TRAPPC9: variants seen among roughly 807,000 people sequenced by gnomAD.
The protein encoded by TRAPPC9 is IKK2 binding protein.
A neutral mutation model predicts 124.0 loss-of-function variants in TRAPPC9; 83 were observed. That is an observed-to-expected ratio of 0.67 (90% CI 0.56 to 0.80). The LOEUF is 0.80. Ranked by LOEUF, TRAPPC9 falls within the 30% of genes least tolerant of loss-of-function variation. The probability of loss-of-function intolerance (pLI) is 0.00; values close to 1 mark genes in which losing one functional copy is unlikely to be tolerated. For synonymous variants in TRAPPC9, 638 were observed against 617.5 expected (o/e 1.03, Z -0.49); for missense variants, 1,302 against 1,508.3 (o/e 0.86, Z 2.27).
At chr8:139,808,946 T>A (rs1174325850) in intron 21 of TRAPPC9, among the ~76,000 whole-genome samples, 4 of 152,114 alleles carry the variant, frequency 2.6e-5, no homozygotes, top group Non-Finnish European at 4.4e-5. Flanking sequence ...CACGTACAAG[T>A]TTTGTGTGGA....
chr8:140,316,198 C>T (rs2066439051), intron 9 of TRAPPC9, among the ~76,000 whole-genome samples: 1 of 152,086 alleles, frequency 6.6e-6, no homozygotes, highest in Non-Finnish European at 1.5e-5. Flanking sequence ...TCAGGAATAT[C>T]AAGCAGAATG....
intron 15 of TRAPPC9, among the ~76,000 whole-genome samples, chr8:140,258,320 T>G (rs2064318631): frequency 6.6e-6 from 1 of 152,256 alleles, no homozygotes; most frequent in African/African-American, 2.4e-5. Context: ...GCACAAGTAA[T>G]GGATTTGACA....
At chr8:140,442,370 C>T (rs893916692) in intron 2 of TRAPPC9, among the ~76,000 whole-genome samples, 3 of 152,016 alleles carry the variant, frequency 2.0e-5, no homozygotes, top group Non-Finnish European at 2.9e-5. Flanking sequence ...GAGGCCGAGG[C>T]GGGTGGATCA....
At chr8:140,237,130 G>A (rs112927215) in intron 16 of TRAPPC9, among the ~76,000 whole-genome samples, 20 of 152,104 alleles carry the variant, frequency 1.3e-4, no homozygotes, top group African/African-American at 2.9e-4. Flanking sequence ...GCAGTGAGCC[G>A]AGATCATGCC....
At position 139,737,227 on chromosome 8, in the gene TRAPPC9, G is replaced by A. The variant is rs546830069; in HGVS notation, c.3056-5025C>T. On this transcript the variant is annotated intron_variant, in intron 21 of 22. Coordinates refer to ENST00000438773, the MANE Select transcript of TRAPPC9 (RefSeq NM_001160372.4). Reference sequence around the variant, plus strand: ...CCTGAGGGACAGAGCGGGCAGCCCAGGGGCCACGCAGCCTGCCTGTCAGCT... The same window carrying A: ...CCTGAGGGACAGAGCGGGCAGCCCAAGGGCCACGCAGCCTGCCTGTCAGCT... Among the ~76,000 whole-genome samples, 9 of 152,270 alleles carry A rather than the reference G, an allele frequency of 5.9e-5. 1 individual carries two copies. In the South Asian group the frequency reaches 1.9e-3, roughly 32 times the overall value.
At chr8:139,832,739 C>T (rs1160036238) in intron 21 of TRAPPC9, among the ~76,000 whole-genome samples, 3 of 152,176 alleles carry the variant, frequency 2.0e-5, no homozygotes, top group Non-Finnish European at 4.4e-5. Flanking sequence ...CTGCAGGAAG[C>T]AGCCTTGACC....
rs566299928 is a variant in TRAPPC9, at chr8:139,865,730, A to G, written c.3055+20149T>C. On this transcript the variant is annotated intron_variant, in intron 21 of 22. Transcript: ENST00000438773. Reference sequence around the variant, plus strand: ...CCAAGAGAACCCAGTTGGTCCAGGGAGGGGGAGGAAGGTATCCGCACAGCA... The same window carrying G: ...CCAAGAGAACCCAGTTGGTCCAGGGGGGGGGAGGAAGGTATCCGCACAGCA... Among the ~76,000 whole-genome samples, 223 of 152,216 alleles carry G rather than the reference A, an allele frequency of 1.5e-3. 2 individuals carry two copies. In the South Asian group the frequency reaches 0.044, roughly 30 times the overall value.
intron 5 of TRAPPC9, among the ~76,000 whole-genome samples, chr8:140,413,068 C>A (rs958904302): frequency 1.3e-5 from 2 of 152,140 alleles, no homozygotes; most frequent in Admixed American, 6.6e-5. Context: ...GAATCCACTG[C>A]CACAGCAGTG....
chr8:139,736,104 G>A (rs547994553), intron 21 of TRAPPC9, among the ~76,000 whole-genome samples: 1 of 152,304 alleles, frequency 6.6e-6, no homozygotes, highest in Admixed American at 6.5e-5. Flanking sequence ...CCCAGACTGG[G>A]GGCAGGGGTG....
intron 17 of TRAPPC9, among the ~76,000 whole-genome samples, chr8:140,048,768 G>A (rs974285867): frequency 2.0e-5 from 3 of 152,166 alleles, no homozygotes; most frequent in East Asian, 3.9e-4. Context: ...GAGGGCACCC[G>A]TGAGCCCAGG....
intron 17 of TRAPPC9, among the ~76,000 whole-genome samples, chr8:140,138,566 T>C (rs2061339148): frequency 6.6e-6 from 1 of 152,130 alleles, no homozygotes; most frequent in Non-Finnish European, 1.5e-5. Flanking sequence ...CTGGAATTTA[T>C]GGTAATTTTC....
intron 15 of TRAPPC9, among the ~76,000 whole-genome samples, chr8:140,269,787 G>A (rs1384273919): frequency 2.0e-5 from 3 of 152,188 alleles, no homozygotes; most frequent in East Asian, 3.9e-4. Context: ...AGTTCCAGAT[G>A]AAGTCAGAGA....
At chr8:139,840,503 C>T (rs528692873) in intron 21 of TRAPPC9, among the ~76,000 whole-genome samples, 19 of 152,282 alleles carry the variant, frequency 1.2e-4, no homozygotes, top group Non-Finnish European at 2.5e-4. Flanking sequence ...CAGCGGTGGA[C>T]GTTGATGAGG....
rs542140335 is a variant in TRAPPC9, at chr8:140,002,473, T to C, written c.2700-13637A>G. ...ATGTAGACAATCTTATCTGAAGATT[T>C]ATATGGAAATACAAAGAAACAATAG... On this transcript the variant is annotated intron_variant, in intron 18 of 22. Transcript: ENST00000438773. Among the ~76,000 whole-genome samples the C allele has an allele frequency of 2.0e-5, 3 of 152,188 alleles. No homozygotes were observed. In the East Asian group the frequency reaches 5.8e-4, roughly 29 times the overall value.
At chr8:140,029,516 A>AAACC (rs1173610226) in intron 17 of TRAPPC9, among the ~76,000 whole-genome samples, 1 of 152,064 alleles carries the variant, frequency 6.6e-6, no homozygotes, top group Admixed American at 6.6e-5. Context: ...GAAAACAAAC[A>AAACC]AACAAACAAA....
Position 140,435,255 on chromosome 8 carries a change from A to G in TRAPPC9, c.731-15T>C. 1 of 130,678 alleles carries G rather than the reference A, an allele frequency of 7.7e-6. No individual in the cohort carries two copies. Among genetic ancestry groups the G allele is most frequent in the Non-Finnish European group, 9.5e-6 (1 of 105,432 alleles). The allele number at this position is 130,678 out of a possible 1,614,324, so 8.1% of individuals were successfully genotyped here. On this transcript the variant is annotated splice_polypyrimidine_tract_variant and intron_variant, in intron 3 of 22. Coordinates refer to ENST00000438773, the MANE Select transcript of TRAPPC9 (RefSeq NM_001160372.4). ...TTCCAGGGCAGCTGGGCATTAAGAA[A>G]ACAAAAAACAAAAACCAGAAAACAA...
intron 19 of TRAPPC9, among the ~76,000 whole-genome samples, chr8:139,947,907 T>TATATATATATATAGAGAGAGAGAGAGAG: frequency 2.2e-4 from 13 of 60,362 alleles, no homozygotes; most frequent in East Asian, 8.8e-4. Flanking sequence ...TATATATATA[T>TATATATATATATAGAGAGAGAGAGAGAG]AGAGAGAGAG....
intron 14 of TRAPPC9, among the ~76,000 whole-genome samples, chr8:140,277,138 A>G (rs73366969): frequency 0.041 from 6,249 of 152,246 alleles, 231 homozygotes; most frequent in African/African-American, 0.1. Flanking sequence ...ACAGAAAAGA[A>G]TGTTCCAGAC....
intron 7 of TRAPPC9, among the ~76,000 whole-genome samples, chr8:140,387,936 G>A (rs1421466028): frequency 9.2e-5 from 14 of 152,038 alleles, no homozygotes. Flanking sequence ...TATGTTTATT[G>A]CAGCACTATT....
Sources: gnomAD v4.1 joint callset for allele counts (sites outside exome capture counted in the v4.1 genomes callset) on GRCh38, gnomAD v4.1.1 for gene constraint, MANE v1.5 for transcripts, NCBI Gene and HGNC (gene_info 2026-07-23, HGNC 2026-07-21) for gene names.